Variants in LRP6 observed in about 807,000 individuals in gnomAD.
The protein encoded by LRP6 is LDL receptor related protein 6.
A neutral mutation model predicts 184.1 loss-of-function variants in LRP6; 43 were observed. The observed-to-expected ratio is 0.23, with a 90% CI of 0.18 to 0.30. The LOEUF (loss-of-function observed/expected upper bound fraction) is 0.30. Ranked by LOEUF, LRP6 falls within the 10% of genes least tolerant of loss-of-function variation. LRP6 has a pLI of 1.00. For synonymous variants in LRP6, 719 were observed against 684.9 expected, an observed-to-expected ratio of 1.05 and a Z score of -0.78; for missense variants, 1,571 against 2,005.3, an observed-to-expected ratio of 0.78 and a Z score of 4.14.
At chr12:12,258,024 A>G (rs61921960) in intron 1 of LRP6, among the ~76,000 whole-genome samples, 1 of 152,016 alleles carries the variant, frequency 6.6e-6, no homozygotes, top group Non-Finnish European at 1.5e-5. Flanking sequence ...TAAAACCAGA[A>G]AACACGTTAC....
intron 4 of LRP6, chr12:12,186,660 T>TC (rs1187077945): frequency 3.5e-6 from 1 of 283,402 alleles, no homozygotes. Flanking sequence ...GATTTTAACT[T>TC]TTTTTTTTTT....
Position 12,173,833 on chromosome 12 carries a change from CGATGTACCCCA to C in LRP6, c.1545+5966_1545+5976del, listed in dbSNP as rs1216848136. On this transcript the variant is annotated intron_variant, in intron 7 of 22. Coordinates refer to ENST00000261349, the MANE Select transcript of LRP6 (RefSeq NM_002336.3). ...GGAATTCACAAATTTCATTGTTATG[CGATGTACCCCA>C]GACACAAAATAACACAACAGGCCAG... 1.8e-4 allele frequency among the ~76,000 whole-genome samples: 27 copies of C among 152,198 alleles called. No individual in the cohort carries two copies. In the East Asian group the frequency reaches 5.0e-3, roughly 28 times the overall value.
intron 7 of LRP6, among the ~76,000 whole-genome samples, chr12:12,168,291 T>C (rs1862943105): frequency 6.6e-6 from 1 of 152,170 alleles, no homozygotes; most frequent in Admixed American, 6.5e-5. Flanking sequence ...ATCCCCTCTC[T>C]GTAAGTAATC....
chr12:12,169,936 T>C (rs567674735), intron 7 of LRP6, among the ~76,000 whole-genome samples: 4 of 152,122 alleles, frequency 2.6e-5, no homozygotes, highest in Non-Finnish European at 5.9e-5. Flanking sequence ...GTTTTTACAA[T>C]AGGTTTGGAT....
chr12:12,242,471 TC>T (rs1865091379), intron 2 of LRP6, among the ~76,000 whole-genome samples: 1 of 152,142 alleles, frequency 6.6e-6, no homozygotes, highest in African/African-American at 2.4e-5. Context: ...ACGGTATTCT[TC>T]CCTAATGACG....
At chr12:12,232,645 TAG>T (rs1399108093) in intron 2 of LRP6, among the ~76,000 whole-genome samples, 1 of 146,714 alleles carries the variant, frequency 6.8e-6, no homozygotes. Flanking sequence ...AACAACTTGA[TAG>T]AGATTATAAA....
chr12:12,243,489 T>C (rs1437378002), intron 2 of LRP6, among the ~76,000 whole-genome samples: 2 of 152,206 alleles, frequency 1.3e-5, no homozygotes, highest in African/African-American at 2.4e-5. Context: ...GGCTATCAAA[T>C]ACTTCTCATT....
chr12:12,181,610 G>A (rs1353879427), intron 5 of LRP6, among the ~76,000 whole-genome samples, 171 bp from the exon 6 acceptor site: 1 of 152,176 alleles, frequency 6.6e-6, no homozygotes, highest in African/African-American at 2.4e-5. Context: ...TGAAATAGAA[G>A]AGTCTACTCT....
chr12:12,238,000 C>T (rs1014748426), intron 2 of LRP6, among the ~76,000 whole-genome samples: 17 of 152,114 alleles, frequency 1.1e-4, no homozygotes, highest in African/African-American at 3.1e-4. Flanking sequence ...GAAAGTTACA[C>T]TAGAGCTATG....
In LRP6 at chr12:12,246,688, G is replaced by A. The variant is rs138603098; in HGVS notation, c.56-2033C>T. On this transcript the variant is annotated intron_variant, in intron 1 of 22. Coordinates refer to ENST00000261349, the MANE Select transcript of LRP6 (RefSeq NM_002336.3). Reference sequence around the variant, plus strand: ...CCCTGTCTCAAAAAAAAAAAAAAGAGTGAGTTATGATACAATTATCTACAT... The same window carrying A: ...CCCTGTCTCAAAAAAAAAAAAAAGAATGAGTTATGATACAATTATCTACAT... Among the ~76,000 whole-genome samples, 368 of 150,488 alleles carry A rather than the reference G, an allele frequency of 2.4e-3. 1 individual carries two copies. The highest frequency in any genetic ancestry group is 8.2e-3 in the African/African-American group (334 of 40,704).
chr12:12,190,806 A>G (rs1039310680), intron 3 of LRP6, among the ~76,000 whole-genome samples: 1 of 152,214 alleles, frequency 6.6e-6, no homozygotes. Flanking sequence ...CCTTCACCAC[A>G]GTGAAGCTGT....
intron 14 of LRP6, 47 bp downstream of exon 14, chr12:12,148,895 G>T (rs1950044662): frequency 7.5e-7 from 1 of 1,334,274 alleles, no homozygotes; most frequent in Non-Finnish European, 1.1e-6. Context: ...GAAGGGTGAG[G>T]AGAGTCTCAG....
chr12:12,234,259 C>T (rs1017718489), intron 2 of LRP6, among the ~76,000 whole-genome samples: 1 of 151,238 alleles, frequency 6.6e-6, no homozygotes, highest in African/African-American at 2.4e-5. Flanking sequence ...TACACTTTAG[C>T]GTGGGCAACA....
At position 12,150,933 on chromosome 12, in the gene LRP6, T is replaced by A. The variant is rs1251675828; in HGVS notation, c.2897A>T (p.Asn966Ile). 6.2e-7 allele frequency: 1 copy of A among 1,614,166 alleles called. No individual in the cohort carries two copies. Among genetic ancestry groups the A allele is most frequent in the Admixed American group, 1.7e-5 (1 of 60,016 alleles). ...DIILPIHSLR[N>I]VRAIDYDPLD... The stretch of plus-strand genomic sequence containing the variant: ...TGGGTCATAGTCAATGGCCCGGACA[T>A]TCCGAAGGCTGTGGATGGGAAGGAT... Residue 966 changes from asparagine to isoleucine, a missense_variant, in exon 13 of 23, where the codon AAT becomes ATT. By Grantham distance (149) the Asn-to-Ile change is moderately radical. Transcript: ENST00000261349.
At chr12:12,121,460 C>CAA in intron 22 of LRP6, 40 bp from the exon 23 acceptor site, 5 of 1,557,776 alleles carry the variant, frequency 3.2e-6, no homozygotes, top group Non-Finnish European at 4.4e-6. Flanking sequence ...GTTAGTTTTA[C>CAA]AAAAAAAAAT....
At chr12:12,121,511 C>G (rs1949606837) in intron 22 of LRP6, 91 bp from the exon 23 acceptor site, 1 of 1,191,902 alleles carries the variant, frequency 8.4e-7, no homozygotes. Flanking sequence ...TGTCAACTAC[C>G]CTATGAAAAC....
chr12:12,225,474 G>C (rs1370475062), intron 2 of LRP6, among the ~76,000 whole-genome samples: 1 of 152,100 alleles, frequency 6.6e-6, no homozygotes, highest in East Asian at 1.9e-4. Context: ...AACCTAAATT[G>C]CGATTGATGA....
intron 3 of LRP6, among the ~76,000 whole-genome samples, chr12:12,194,975 C>T (rs12422312): frequency 0.19 from 28,873 of 152,008 alleles, 3,332 homozygotes; most frequent in African/African-American, 0.32. Flanking sequence ...GTTCCTGGTC[C>T]TATGTCACTT....
Position 12,124,913 on chromosome 12 carries a change from T to G in LRP6, c.4450-251A>C, listed in dbSNP as rs12305378. 0.073 allele frequency among the ~76,000 whole-genome samples: 11,163 copies of G among 152,218 alleles called. 492 individuals carry two copies. Among genetic ancestry groups the G allele is most frequent in the Admixed American group, 0.11 (1,664 of 15,288 alleles). On this transcript the variant is annotated intron_variant, in intron 21 of 22. Transcript: ENST00000261349. ...CTGTAACCTAAAAATCATTGGTCAG[T>G]ACATTTAGGTCCTGGTTATTTAAAA...
Sources: gnomAD v4.1 joint callset for allele counts (sites outside exome capture counted in the v4.1 genomes callset) on GRCh38, gnomAD v4.1.1 for gene constraint, MANE v1.5 for transcripts, NCBI Gene and HGNC (gene_info 2026-07-23, HGNC 2026-07-21) for gene names.